The following CADM2 variants were observed in gnomAD, a reference collection of about 807,000 sequenced individuals.
The protein encoded by CADM2 is cell adhesion molecule 2.
A neutral mutation model predicts 49.8 loss-of-function variants in CADM2; 12 were observed. The ratio of observed to expected loss-of-function variants is 0.24; its 90% CI spans 0.15 to 0.39. CADM2 has a LOEUF of 0.39. Among genes scored for constraint, CADM2 ranks in the 10% least tolerant of loss-of-function variants. CADM2 has a pLI of 1.00. For missense variants in CADM2, 378 were observed against 492.3 expected, an observed-to-expected ratio of 0.77 and a Z score of 2.20; for synonymous variants, 214 against 175.4, an observed-to-expected ratio of 1.22 and a Z score of -1.74.
At chr3:84,974,340 C>T (rs967496569) in intron 1 of CADM2, among the ~76,000 whole-genome samples, 2 of 151,930 alleles carry the variant, frequency 1.3e-5, no homozygotes, top group African/African-American at 4.8e-5. Flanking sequence ...ATATAATCCA[C>T]AGTTAGAAAA....
At chr3:85,821,326 C>A (rs2073551957) in intron 3 of CADM2, among the ~76,000 whole-genome samples, 1 of 152,078 alleles carries the variant, frequency 6.6e-6, no homozygotes, top group African/African-American at 2.4e-5. Context: ...TACCTCTAGG[C>A]CACCAGAGGG....
intron 1 of CADM2, chr3:84,960,005 C>T (rs2030307799): frequency 4.7e-6 from 2 of 421,786 alleles, no homozygotes; most frequent in South Asian, 3.7e-5. Flanking sequence ...AACATTCCAC[C>T]CTCCCGACAA....
intron 1 of CADM2, among the ~76,000 whole-genome samples, chr3:85,294,513 G>C: frequency 6.6e-6 from 1 of 151,986 alleles, no homozygotes; most frequent in East Asian, 1.9e-4. Flanking sequence ...CAAAGCTGGA[G>C]GCATCACACT....
intron 1 of CADM2, among the ~76,000 whole-genome samples, chr3:85,020,429 A>T (rs2034446780): frequency 6.6e-6 from 1 of 152,210 alleles, no homozygotes; most frequent in Non-Finnish European, 1.5e-5. Flanking sequence ...GTCATGAGGT[A>T]TAATGAACAT....
chr3:85,535,033 T>C (rs566624076), intron 1 of CADM2, among the ~76,000 whole-genome samples: 2 of 152,232 alleles, frequency 1.3e-5, no homozygotes, highest in East Asian at 1.9e-4. Context: ...TTTCTTCATG[T>C]CTGTTTCATA....
chr3:85,328,614 A>G (rs1405964795), intron 1 of CADM2, among the ~76,000 whole-genome samples: 2 of 152,174 alleles, frequency 1.3e-5, no homozygotes, highest in Non-Finnish European at 2.9e-5. Flanking sequence ...AGATTTCCTC[A>G]AGAGTCAAAG....
chr3:85,081,088 T>C (rs1192372763), intron 1 of CADM2, among the ~76,000 whole-genome samples: 1 of 152,138 alleles, frequency 6.6e-6, no homozygotes, highest in Admixed American at 6.6e-5. Context: ...TTCATTTATT[T>C]TTTGCTTTCT....
At chr3:85,529,017 A>C (rs1240895445) in intron 1 of CADM2, among the ~76,000 whole-genome samples, 1 of 152,202 alleles carries the variant, frequency 6.6e-6, no homozygotes, top group African/African-American at 2.4e-5. Context: ...TTATTTAGTC[A>C]TGTAACAACC....
At chr3:85,994,962 A>G (rs1729189179) in intron 8 of CADM2, among the ~76,000 whole-genome samples, 1 of 146,936 alleles carries the variant, frequency 6.8e-6, no homozygotes, top group Non-Finnish European at 1.5e-5. Flanking sequence ...TGTTGGAAAA[A>G]TGGTGCCAGC....
At chr3:85,574,863 ACT>A (rs1280800670) in intron 1 of CADM2, among the ~76,000 whole-genome samples, 1 of 151,974 alleles carries the variant, frequency 6.6e-6, no homozygotes, top group Admixed American at 6.6e-5. Context: ...ACTTTAGCAA[ACT>A]CTCTGGTCAC....
intron 1 of CADM2, among the ~76,000 whole-genome samples, chr3:85,688,263 A>G (rs889270788): frequency 1.3e-5 from 2 of 152,192 alleles, no homozygotes; most frequent in Non-Finnish European, 2.9e-5. Flanking sequence ...ACTCAATAAT[A>G]TAACATCTAC....
At chr3:85,498,828 A>G (rs2040005818) in intron 1 of CADM2, among the ~76,000 whole-genome samples, 1 of 152,132 alleles carries the variant, frequency 6.6e-6, no homozygotes, top group Non-Finnish European at 1.5e-5. Context: ...GTTTATGGTG[A>G]CTTTGTAATA....
chr3:85,448,611 G>T lies in CADM2; in HGVS notation c.62-277911G>T, dbSNP rs193043732. ...TTTGCACATGGGGTTGTGTGCATGC[G>T]TGTGTGTGTGAACATATGGTGCAAC... On this transcript the variant is annotated intron_variant, in intron 1 of 9. Transcript: ENST00000383699. 3.9e-5 allele frequency among the ~76,000 whole-genome samples: 6 copies of T among 152,010 alleles called. No homozygotes were observed. In the East Asian group the frequency reaches 7.8e-4, roughly 20 times the overall value.
chr3:85,692,023 T>G (rs1011598301), intron 1 of CADM2, among the ~76,000 whole-genome samples: 1 of 151,930 alleles, frequency 6.6e-6, no homozygotes, highest in African/African-American at 2.4e-5. Flanking sequence ...ATACCTAATG[T>G]TAAATGACGA....
At chr3:85,999,629 A>G (rs1385887543) in intron 8 of CADM2, among the ~76,000 whole-genome samples, 1 of 151,166 alleles carries the variant, frequency 6.6e-6, no homozygotes, top group South Asian at 2.1e-4. Flanking sequence ...GAAAGAAAGA[A>G]GGAGAAAGAA....
intron 6 of CADM2, among the ~76,000 whole-genome samples, chr3:85,916,559 T>A (rs1322101181): frequency 1.3e-5 from 2 of 152,024 alleles, no homozygotes; most frequent in African/African-American, 2.4e-5. Context: ...ATTTTCTTAA[T>A]CCAGTCTATC....
chr3:85,399,228 C>G (rs1057074444), intron 1 of CADM2, among the ~76,000 whole-genome samples: 3 of 152,178 alleles, frequency 2.0e-5, no homozygotes, highest in Non-Finnish European at 4.4e-5. Context: ...TTTCCCAGCA[C>G]CATTTATTAA....
intron 1 of CADM2, among the ~76,000 whole-genome samples, chr3:85,175,919 CTTTTTTTTTTTTT>C (rs11329456): frequency 0.087 from 6,718 of 76,908 alleles, 277 homozygotes; most frequent in East Asian, 0.21. Context: ...ATGTCCTAAT[CTTTTTTTTTTTTT>C]TTTTTTTTTT....
chr3:85,485,701 T>C (rs1559863919), intron 1 of CADM2, among the ~76,000 whole-genome samples: 1 of 152,086 alleles, frequency 6.6e-6, no homozygotes, highest in South Asian at 2.1e-4. Context: ...TTTATTGCAT[T>C]GAATAAAATT....
Sources: gnomAD v4.1 joint callset for allele counts (sites outside exome capture counted in the v4.1 genomes callset) on GRCh38, gnomAD v4.1.1 for gene constraint, MANE v1.5 for transcripts, NCBI Gene and HGNC (gene_info 2026-07-23, HGNC 2026-07-21) for gene names.